DNAH3: variants seen among roughly 807,000 people sequenced by gnomAD.
DNAH3 encodes the protein dynein axonemal heavy chain 3.
A neutral mutation model predicts 432.5 loss-of-function variants in DNAH3; 332 were observed. The ratio of observed to expected loss-of-function variants is 0.77; its 90% CI spans 0.70 to 0.84. The LOEUF is 0.84. Ranked by LOEUF, DNAH3 falls within the 40% of genes least tolerant of loss-of-function variation. The pLI, the probability that DNAH3 is intolerant of heterozygous loss-of-function variation, is 0.00. For missense variants in DNAH3, 4,861 were observed against 5,114.0 expected, an observed-to-expected ratio of 0.95 and a Z score of 1.51; for synonymous variants, 1,956 against 1,900.2, an observed-to-expected ratio of 1.03 and a Z score of -0.76.
At chr16:21,105,627 G>C (rs560495233) in intron 15 of DNAH3, among the ~76,000 whole-genome samples, 9 of 151,956 alleles carry the variant, frequency 5.9e-5, no homozygotes, top group Non-Finnish European at 8.8e-5. Flanking sequence ...TTAGTTGGGC[G>C]TGGTGGCACG....
chr16:21,107,628 G>A (rs1597390387), intron 14 of DNAH3, among the ~76,000 whole-genome samples: 2 of 152,064 alleles, frequency 1.3e-5, no homozygotes, highest in South Asian at 2.1e-4. Context: ...TCCATTACTG[G>A]GACTACCAGG....
intron 2 of DNAH3, 25 bp downstream of exon 3, chr16:21,145,959 A>C: frequency 1.5e-5 from 22 of 1,462,820 alleles, no homozygotes; most frequent in Non-Finnish European, 2.0e-5. Context: ...CCTCAACAGA[A>C]GAGCTGGCAG....
In DNAH3 at chr16:21,097,606, G is replaced by A. The variant is rs908694964; in HGVS notation, c.2521-107C>T. 24 of 1,341,574 alleles carry A rather than the reference G, an allele frequency of 1.8e-5. No homozygotes were observed. In the Admixed American group the frequency reaches 4.3e-4, roughly 24 times the overall value. The allele number at this position is 1,341,574 out of a possible 1,614,324, so 83.1% of individuals were successfully genotyped here. ...CCTTGAAAACCAAGTGGAGGGAAAT[G>A]CTTATTCATCTGGAGAGTAAGAGAG... On this transcript the variant is annotated intron_variant, in intron 17 of 61. Coordinates refer to ENST00000261383, the Ensembl canonical transcript of DNAH3.
intron 52 of DNAH3, among the ~76,000 whole-genome samples, chr16:20,969,098 G>C (rs1386749428): frequency 6.7e-6 from 1 of 150,322 alleles, no homozygotes; most frequent in African/African-American, 2.4e-5. Flanking sequence ...GTGTGTGTGT[G>C]TGTGTGTGTG....
intron 26 of DNAH3, 144 bp downstream of exon 26, chr16:21,060,120 A>G (rs2090291861): frequency 1.5e-6 from 1 of 667,692 alleles, no homozygotes; most frequent in Non-Finnish European, 2.7e-6. Context: ...CCCAGGGTTC[A>G]CAAGTGAAGG....
At chr16:20,937,308 C>T (rs2083628550) in intron 59 of DNAH3, among the ~76,000 whole-genome samples, 1 of 151,964 alleles carries the variant, frequency 6.6e-6, no homozygotes, top group African/African-American at 2.4e-5. Flanking sequence ...GTGTGCATCA[C>T]CATGCCTGTC....
At chr16:20,946,048 TC>T (rs1349521217) in intron 57 of DNAH3, among the ~76,000 whole-genome samples, 2 of 152,188 alleles carry the variant, frequency 1.3e-5, no homozygotes, top group South Asian at 2.1e-4. Context: ...TTCCTCCTTG[TC>T]CGGGGCACTC....
At chr16:21,051,768 C>T (rs775612635) in exon 29 of DNAH3, 2 of 1,614,140 alleles carry the variant, frequency 1.2e-6, no homozygotes, top group East Asian at 4.5e-5. Flanking sequence ...TCTGCACCTG[C>T]ACATCCTTGG....
intron 3 of DNAH3, among the ~76,000 whole-genome samples, chr16:21,144,313 T>G (rs1012113574): frequency 5.3e-5 from 8 of 152,270 alleles, no homozygotes; most frequent in African/African-American, 1.9e-4. Flanking sequence ...CTATGGGTTC[T>G]CTCTTGCTGG....
At chr16:20,933,407 T>A (rs1415733288) in exon 62 of DNAH3, 8 of 1,614,190 alleles carry the variant, frequency 5.0e-6, no homozygotes, top group Non-Finnish European at 6.8e-6. Flanking sequence ...TTCCCCAATC[T>A]GCATCGTTTT....
chr16:20,986,773 C>T (rs1182313769), intron 47 of DNAH3, among the ~76,000 whole-genome samples: 2 of 152,102 alleles, frequency 1.3e-5, no homozygotes, highest in African/African-American at 4.8e-5. Context: ...TTGCACTTGG[C>T]CTCTGAACGC....
intron 32 of DNAH3, among the ~76,000 whole-genome samples, chr16:21,040,647 G>A (rs1264051970): frequency 6.6e-6 from 1 of 151,908 alleles, no homozygotes; most frequent in Non-Finnish European, 1.5e-5. Flanking sequence ...ATTAAGGCGT[G>A]AGCTACCGCG....
At chr16:20,980,212 A>ATTAT (rs1451465925) in intron 49 of DNAH3, among the ~76,000 whole-genome samples, 2 of 132,714 alleles carry the variant, frequency 1.5e-5, no homozygotes, top group African/African-American at 6.0e-5. Flanking sequence ...ATTTATTTAT[A>ATTAT]TTATTTATAT....
chr16:20,965,529 A>C, intron 52 of DNAH3, 104 bp from the exon 53 acceptor site: 7 of 1,030,648 alleles, frequency 6.8e-6, no homozygotes, highest in East Asian at 2.6e-5. Flanking sequence ...AAAAACAAAA[A>C]CATGGTCTGA....
At chr16:21,033,008 C>A (rs2088966772) in intron 36 of DNAH3, among the ~76,000 whole-genome samples, 1 of 152,048 alleles carries the variant, frequency 6.6e-6, no homozygotes, top group South Asian at 2.1e-4. Flanking sequence ...CTCACCCAGG[C>A]TGCAATTGCA....
chr16:21,097,283 T>C (rs2091709594), intron 18 of DNAH3, 72 bp downstream of exon 18: 2 of 1,570,682 alleles, frequency 1.3e-6, no homozygotes, highest in African/African-American at 1.4e-5. Context: ...GTGCAAACCA[T>C]ATTTCAGAAG....
chr16:21,123,218 G>A (rs2092380277), intron 9 of DNAH3, among the ~76,000 whole-genome samples: 1 of 151,632 alleles, frequency 6.6e-6, no homozygotes, highest in African/African-American at 2.4e-5. Context: ...CAGAAATATT[G>A]ACATAGAGCT....
chr16:21,140,775 T>C (rs982973934), intron 4 of DNAH3, 65 bp from the exon 6 acceptor site: 4 of 1,491,950 alleles, frequency 2.7e-6, no homozygotes, highest in Non-Finnish European at 2.8e-6. Context: ...TGGTGTTGCC[T>C]ACTTTCCCTA....
chr16:20,946,650 T>C (rs2084057094), intron 57 of DNAH3, among the ~76,000 whole-genome samples: 1 of 152,128 alleles, frequency 6.6e-6, no homozygotes, highest in African/African-American at 2.4e-5. Context: ...CCATGGTTCC[T>C]GGCTTCTAAC....
Sources: allele counts gnomAD v4.1 joint callset (sites outside exome capture counted in the v4.1 genomes callset), GRCh38; gene constraint gnomAD v4.1.1; transcripts MANE v1.5; gene names NCBI Gene and HGNC (gene_info 2026-07-23, HGNC 2026-07-21).